Variants in NAV2 observed in about 807,000 individuals in gnomAD.
NAV2 encodes neuron navigator 2, also known as helicase, APC down-regulated 1.
Under a neutral mutation model 223.2 loss-of-function variants are expected in NAV2, and 54 were observed. That is an observed-to-expected ratio of 0.24 (90% CI 0.19 to 0.30). The LOEUF (loss-of-function observed/expected upper bound fraction) is 0.30. NAV2 is among the 10% of genes least tolerant of loss of function. The pLI is 1.00. For synonymous variants in NAV2, 1,279 were observed against 1,239.3 expected (o/e 1.03, Z -0.67); for missense variants, 2,806 against 3,147.5 (o/e 0.89, Z 2.60).
chr11:19,992,651 G>A (rs1245859278), intron 11 of NAV2, among the ~76,000 whole-genome samples: 1 of 134,390 alleles, frequency 7.4e-6, no homozygotes, highest in Non-Finnish European at 1.5e-5. Context: ...GCAGTGACAC[G>A]ATCTCAGCTC....
rs1853684296 is a variant in NAV2 at position 19,357,457 on chromosome 11, G to A, written c.75+6430G>A. Among the ~76,000 whole-genome samples the A allele has an allele frequency of 1.3e-5, 2 of 152,128 alleles. 1 individual carries two copies. Among genetic ancestry groups the A allele is most frequent in the South Asian group, 4.1e-4 (2 of 4,828 alleles). On this transcript the variant is annotated intron_variant, in intron 1 of 37. Transcript: ENST00000360655. ...TGCTAATAATAAAACTTTTGGTGAG[G>A]ATTATGAGATATAATGTACTTGAAG... is the stretch of plus-strand genomic sequence containing the variant.
chr11:19,604,497 G>A (rs1409995447), intron 1 of NAV2, among the ~76,000 whole-genome samples: 1 of 152,180 alleles, frequency 6.6e-6, no homozygotes, highest in Admixed American at 6.5e-5. Flanking sequence ...AGAGGACTGG[G>A]CTGGAGCAGC....
Position 20,026,693 on chromosome 11 carries a change from T to C in NAV2, c.2769-9266T>C, listed in dbSNP as rs113146171. On this transcript the variant is annotated intron_variant, in intron 11 of 37. Transcript: ENST00000349880. ...AGTCCTTCAAAGTCTAATGAACACA[T>C]GACGAGCGTTCATTAAAATGTGTAA... 3.9e-3 allele frequency among the ~76,000 whole-genome samples: 594 copies of C among 152,322 alleles called. 1 individual carries two copies. The highest frequency in any genetic ancestry group is 0.013 in the South Asian group (65 of 4,816).
intron 1 of NAV2, among the ~76,000 whole-genome samples, chr11:19,811,416 A>G (rs537202731): frequency 2.6e-4 from 40 of 152,212 alleles, no homozygotes; most frequent in African/African-American, 8.4e-4. Context: ...CTGCCTTTTC[A>G]TGCTCACAAT....
chr11:19,417,933 C>G (rs1850445843), intron 1 of NAV2, among the ~76,000 whole-genome samples: 1 of 151,968 alleles, frequency 6.6e-6, no homozygotes, highest in South Asian at 2.1e-4. Flanking sequence ...AACACATGGA[C>G]CTGGGGAGGG....
At position 20,055,850 on chromosome 11, in the gene NAV2, A is replaced by T; in HGVS notation, c.4724A>T (p.Gln1575Leu). ...RTHSLSNADG[Q>L]YDPYTDSRFR... ...CACAGCCTCTCCAATGCTGATGGGC[A>T]GTATGATCCATACACTGACAGCCGC... is the stretch of plus-strand genomic sequence containing the variant. The change falls in exon 19 of 38, where the codon CAG (glutamine) becomes CTG (leucine). Residue 1575 changes from glutamine (Q) to leucine (L), a missense_variant. Physicochemically the swap from Gln to Leu is moderately radical, Grantham distance 113 (BLOSUM62 -2). Around this residue, in one of 4 missense-constraint regions of NAV2, gnomAD observed 742 missense variants for 777.9 expected, o/e 0.95. Coordinates refer to ENST00000349880, the MANE Select transcript of NAV2 (RefSeq NM_145117.5). 6.2e-7 allele frequency: 1 copy of T among 1,614,218 alleles called. No individual in the cohort carries two copies. Among genetic ancestry groups the T allele is most frequent in the Non-Finnish European group, 8.5e-7 (1 of 1,180,014 alleles).
At chr11:19,370,741 C>A (rs1247561293) in intron 1 of NAV2, among the ~76,000 whole-genome samples, 1 of 152,172 alleles carries the variant, frequency 6.6e-6, no homozygotes, top group Non-Finnish European at 1.5e-5. Context: ...CTTGCAGACT[C>A]CCCACCGTGC....
chr11:19,486,047 A>T (rs2042434599), intron 1 of NAV2, among the ~76,000 whole-genome samples: 1 of 152,122 alleles, frequency 6.6e-6, no homozygotes, highest in African/African-American at 2.4e-5. Flanking sequence ...TCCTCTCAAT[A>T]GGGTGAGGCA....
chr11:19,620,323 G>A (rs991965990), intron 1 of NAV2, among the ~76,000 whole-genome samples: 1 of 152,240 alleles, frequency 6.6e-6, no homozygotes, highest in Admixed American at 6.5e-5. Flanking sequence ...TGATGGGGAT[G>A]GCATTGAATC....
At chr11:19,829,063 C>T (rs922853446) in intron 1 of NAV2, among the ~76,000 whole-genome samples, 2 of 152,192 alleles carry the variant, frequency 1.3e-5, no homozygotes, top group African/African-American at 2.4e-5. Context: ...GTTGTAGAGA[C>T]AGTATGTCTA....
At chr11:19,817,786 T>A (rs1435124122) in intron 1 of NAV2, among the ~76,000 whole-genome samples, 1 of 152,198 alleles carries the variant, frequency 6.6e-6, no homozygotes, top group Non-Finnish European at 1.5e-5. Flanking sequence ...GGGGAGTAAC[T>A]GAACCTTGGC....
intron 7 of NAV2, among the ~76,000 whole-genome samples, chr11:19,936,103 A>G (rs2045881339): frequency 6.6e-6 from 1 of 151,060 alleles, no homozygotes; most frequent in Non-Finnish European, 1.5e-5. Flanking sequence ...TCCTGAGCTC[A>G]GGCAGTCCAC....
At chr11:19,582,445 T>C (rs1461059628) in intron 1 of NAV2, among the ~76,000 whole-genome samples, 8 of 150,852 alleles carry the variant, frequency 5.3e-5, no homozygotes, top group Non-Finnish European at 8.9e-5. Context: ...TTGCCCATGC[T>C]TATGTCCTGA....
At chr11:19,345,449 G>T in the NAV2 span, among the ~76,000 whole-genome samples, 1 of 152,228 alleles carries the variant, frequency 6.6e-6, no homozygotes, top group Non-Finnish European at 1.5e-5. The surrounding 1 kb of genome is among the most constrained non-coding windows in gnomAD (Gnocchi z 5.2). Flanking sequence ...CTGAGCTCCG[G>T]GGTCCAGAGC....
chr11:19,869,638 T>G (rs974847903), intron 4 of NAV2, among the ~76,000 whole-genome samples: 3 of 152,144 alleles, frequency 2.0e-5, no homozygotes, highest in Middle Eastern at 3.2e-3. Flanking sequence ...CTCTCCTGTT[T>G]GTAAATACAA....
chr11:19,358,500 A>G (rs916131914), intron 1 of NAV2, among the ~76,000 whole-genome samples: 1 of 152,206 alleles, frequency 6.6e-6, no homozygotes, highest in Non-Finnish European at 1.5e-5. Flanking sequence ...GTAAGTAAAG[A>G]TAAAGTTACC....
chr11:19,906,732 C>T (rs1414672135), intron 6 of NAV2, among the ~76,000 whole-genome samples: 1 of 152,158 alleles, frequency 6.6e-6, no homozygotes. Context: ...GGTGAAGGGG[C>T]ACAAGCACCA....
intron 1 of NAV2, among the ~76,000 whole-genome samples, chr11:19,536,683 T>C (rs78183296): frequency 6.6e-5 from 10 of 152,372 alleles, no homozygotes; most frequent in African/African-American, 2.4e-4. Context: ...CCAGGTCATA[T>C]ACCCAACTGG....
At chr11:19,823,690 C>T (rs760287402) in intron 1 of NAV2, among the ~76,000 whole-genome samples, 1 of 152,168 alleles carries the variant, frequency 6.6e-6, no homozygotes, top group African/African-American at 2.4e-5. Flanking sequence ...TCGAGCAACT[C>T]AGTAGGTCCT....
Sources: gnomAD v4.1 joint callset for allele counts (sites outside exome capture counted in the v4.1 genomes callset) on GRCh38, gnomAD v4.1.1 for gene constraint, gnomAD v4.1.1 regional missense constraint, Gnocchi (gnomAD v3.1) non-coding constraint, MANE v1.5 for transcripts, NCBI Gene and HGNC (gene_info 2026-07-23, HGNC 2026-07-21) for gene names.